Variants in FOCAD observed in about 807,000 individuals in gnomAD.
The protein encoded by FOCAD is KIAA1797.
FOCAD carries 198 observed loss-of-function variants against 225.6 expected under a neutral mutation model. The observed-to-expected ratio is 0.88, with a 90% confidence interval of 0.78 to 0.99. The LOEUF is 0.99. Among genes scored for constraint, FOCAD ranks in the 50% least tolerant of loss-of-function variants. The pLI, the probability that FOCAD is intolerant of heterozygous loss-of-function variation, is 0.00. For missense variants in FOCAD, 2,713 were observed against 2,123.6 expected, an observed-to-expected ratio of 1.28 and a Z score of -5.46; for synonymous variants, 897 against 755.0, an observed-to-expected ratio of 1.19 and a Z score of -3.08.
chr9:20,784,777 T>A (rs1211729894), intron 10 of FOCAD, among the ~76,000 whole-genome samples: 1 of 152,220 alleles, frequency 6.6e-6, no homozygotes, highest in Non-Finnish European at 1.5e-5. Context: ...AATATTTGTT[T>A]CTTAAAAATC....
chr9:20,815,682 A>G (rs1454576963), intron 11 of FOCAD, among the ~76,000 whole-genome samples: 1 of 152,052 alleles, frequency 6.6e-6, no homozygotes, highest in Non-Finnish European at 1.5e-5. Context: ...TGGAGGAGGG[A>G]AGAGAAAGCA....
intron 17 of FOCAD, among the ~76,000 whole-genome samples, chr9:20,866,319 A>G (rs1353685338): frequency 6.6e-6 from 1 of 151,932 alleles, no homozygotes; most frequent in Admixed American, 6.6e-5. Flanking sequence ...AGTCCAGTCC[A>G]TTTTTTAGAT....
chr9:20,761,024 G>GA (rs1302216161), intron 6 of FOCAD, among the ~76,000 whole-genome samples: 1 of 151,666 alleles, frequency 6.6e-6, no homozygotes, highest in East Asian at 1.9e-4. Context: ...ATTTTTTGGG[G>GA]GGGGGCGTTA....
intron 15 of FOCAD, among the ~76,000 whole-genome samples, chr9:20,850,653 C>T (rs745769255): frequency 4.6e-4 from 69 of 151,638 alleles, no homozygotes; most frequent in Non-Finnish European, 8.6e-4. Context: ...CTCCTACCTT[C>T]AGTTATGCTT....
chr9:20,769,721 A>G (rs1451007202), intron 7 of FOCAD, among the ~76,000 whole-genome samples: 1 of 152,224 alleles, frequency 6.6e-6, no homozygotes, highest in Non-Finnish European at 1.5e-5. Context: ...AATTTCCCTC[A>G]ACATGTTGTC....
chr9:20,692,032 G>A (rs1823011299), intron 1 of FOCAD, among the ~76,000 whole-genome samples: 1 of 152,134 alleles, frequency 6.6e-6, no homozygotes, highest in Non-Finnish European at 1.5e-5. Context: ...TTACAGGTGT[G>A]AGCCACGGCA....
intron 7 of FOCAD, among the ~76,000 whole-genome samples, chr9:20,768,207 C>A (rs548910926): frequency 6.7e-6 from 1 of 148,800 alleles, no homozygotes; most frequent in East Asian, 2.0e-4. Context: ...GTACCAGTAC[C>A]ATGCTGTTTT....
Position 20,964,374 on chromosome 9 carries a change from A to G in FOCAD, c.4132+11309A>G, listed in dbSNP as rs1248463626. Reference sequence around the variant, plus strand: ...GTGCTACTGCACTTCAGCCTGGGTGACAGAGTAAGACTCTGTCTCAGAAAA... The same window carrying G: ...GTGCTACTGCACTTCAGCCTGGGTGGCAGAGTAAGACTCTGTCTCAGAAAA... On this transcript the variant is annotated intron_variant, in intron 35 of 43. Transcript: ENST00000338382. Among the ~76,000 whole-genome samples, 10 of 152,118 alleles carry G rather than the reference A, an allele frequency of 6.6e-5. 1 individual carries two copies. Among genetic ancestry groups the G allele is most frequent in the African/African-American group, 2.4e-4 (10 of 41,400 alleles).
rs1181963771 is a variant in FOCAD, at chr9:20,765,016, A to G, written c.642A>G (p.Pro214=). 2 of 1,614,120 alleles carry G rather than the reference A, an allele frequency of 1.2e-6. No homozygotes were observed. Among genetic ancestry groups the G allele is most frequent in the East Asian group, 2.2e-5 (1 of 44,866 alleles). ...QPQVLCDKDQ[P]SILEQQILQL... ...AGGTTCTTTGTGACAAAGATCAACC[A>G]TCAATACTGGAACAGCAGATACTTC... Residue 214 remains proline (P), a synonymous_variant, in exon 7 of 44, where the codon CCA becomes CCG. Transcript: ENST00000338382.
At chr9:20,953,131 C>T in intron 35 of FOCAD, 66 bp downstream of exon 35, 1 of 1,281,270 alleles carries the variant, frequency 7.8e-7, no homozygotes, top group Non-Finnish European at 1.1e-6. Flanking sequence ...AATTTGTGTA[C>T]CCTAAGCATG....
intron 7 of FOCAD, among the ~76,000 whole-genome samples, chr9:20,768,751 TCTC>T (rs1283808444): frequency 2.0e-5 from 3 of 152,174 alleles, no homozygotes; most frequent in Non-Finnish European, 1.5e-5. Context: ...TTCTGTTTCT[TCTC>T]CTTCCAGTTG....
At chr9:20,744,541 A>G (rs991765977) in intron 5 of FOCAD, among the ~76,000 whole-genome samples, 5 of 152,230 alleles carry the variant, frequency 3.3e-5, no homozygotes, top group Non-Finnish European at 7.3e-5. Context: ...AGCATATGCC[A>G]AGTATAAAAC....
At chr9:20,913,231 T>C (rs2383167) in intron 23 of FOCAD, among the ~76,000 whole-genome samples, 97,377 of 151,342 alleles carry the variant, frequency 0.64, 31,794 homozygotes, top group African/African-American at 0.75. Flanking sequence ...TTCCCTTTTC[T>C]ACCTGTAACT....
intron 39 of FOCAD, among the ~76,000 whole-genome samples, chr9:20,984,686 C>T (rs1273816850): frequency 1.3e-5 from 2 of 152,250 alleles, no homozygotes; most frequent in African/African-American, 4.8e-5. Flanking sequence ...GAAATTCCAG[C>T]CTCATACAGA....
At chr9:20,703,349 G>A (rs1824125268) in intron 1 of FOCAD, among the ~76,000 whole-genome samples, 1 of 152,104 alleles carries the variant, frequency 6.6e-6, no homozygotes, top group African/African-American at 2.4e-5. Flanking sequence ...GTGGTTTAAG[G>A]AAGAAACTGA....
At chr9:20,803,907 G>T (rs967683793) in intron 11 of FOCAD, among the ~76,000 whole-genome samples, 1 of 152,096 alleles carries the variant, frequency 6.6e-6, no homozygotes, top group Non-Finnish European at 1.5e-5. Flanking sequence ...AGGTTAAGGG[G>T]ACCCCTGAGA....
At chr9:20,746,895 T>C (rs1018346919) in intron 5 of FOCAD, among the ~76,000 whole-genome samples, 5 of 152,170 alleles carry the variant, frequency 3.3e-5, no homozygotes, top group African/African-American at 4.8e-5. Context: ...TTGTTTTTCA[T>C]GGTGTTGGCA....
At chr9:20,871,072 G>A (rs1436879585) in intron 18 of FOCAD, among the ~76,000 whole-genome samples, 1 of 151,838 alleles carries the variant, frequency 6.6e-6, no homozygotes, top group Non-Finnish European at 1.5e-5. Context: ...GAGTGGTGGT[G>A]CGGGGCCTGT....
chr9:20,740,168 G>A, intron 4 of FOCAD, 68 bp from the exon 5 acceptor site: 1 of 1,007,572 alleles, frequency 9.9e-7, no homozygotes, highest in East Asian at 2.4e-5. Context: ...TAAAATGATA[G>A]GATTAAGCAC....
Sources: gnomAD v4.1 joint callset for allele counts (sites outside exome capture counted in the v4.1 genomes callset) on GRCh38, gnomAD v4.1.1 for gene constraint, MANE v1.5 for transcripts, NCBI Gene and HGNC (gene_info 2026-07-23, HGNC 2026-07-21) for gene names.